The following CHRNB2 variants were observed in gnomAD, a reference collection of about 807,000 sequenced individuals.
The protein encoded by CHRNB2 is cholinergic receptor nicotinic beta 2 subunit.
A neutral mutation model predicts 42.7 loss-of-function variants in CHRNB2; 33 were observed. The observed-to-expected ratio is 0.77, with a 90% CI of 0.59 to 1.03. CHRNB2 has a LOEUF of 1.03. Ranked by LOEUF, CHRNB2 falls within the 50% of genes least tolerant of loss-of-function variation. The pLI is 0.00. For missense variants in CHRNB2, 603 were observed against 700.9 expected (o/e 0.86, Z 1.58); for synonymous variants, 325 against 292.9 (o/e 1.11, Z -1.12).
At position 154,579,066 on chromosome 1, in the gene CHRNB2, C is replaced by G. The variant is rs1450436986; in HGVS notation, c.*3134C>G. 1 of 152,136 alleles carries G rather than the reference C, an allele frequency of 6.6e-6. No homozygotes were observed. The highest frequency in any genetic ancestry group is 1.9e-4 in the East Asian group (1 of 5,186). 9.4% of individuals were successfully genotyped at this position (152,136 alleles called of 1,614,324 possible). On this transcript the variant is annotated 3_prime_UTR_variant, in exon 6 of 6. Coordinates refer to ENST00000368476, the MANE Select transcript of CHRNB2 (RefSeq NM_000748.3). ...ATAGAAATACTAGAACAGCTGGTAC[C>G]AAGTTATTGAAAATTTAAAAGCAAA...
intron 1 of CHRNB2, among the ~76,000 whole-genome samples, chr1:154,569,146 A>G (rs1025985428): frequency 1.3e-5 from 2 of 151,998 alleles, no homozygotes; most frequent in African/African-American, 4.8e-5. Flanking sequence ...AAGCCATGGA[A>G]GCAGAAATCT....
In CHRNB2 at chr1:154,576,179, TGAG is replaced by T. The variant is rs1405038842; in HGVS notation, c.*252_*254del. The T allele has an allele frequency of 1.8e-5, 10 of 558,242 alleles. No individual in the cohort carries two copies. In the East Asian group the frequency reaches 2.2e-4, roughly 12 times the overall value. The allele number at this position is 558,242 out of a possible 1,614,324, so 34.6% of individuals were successfully genotyped here. A position where few individuals can be genotyped will look rare whatever the true frequency, so the allele number is the denominator to read the frequency against. On this transcript the variant is annotated 3_prime_UTR_variant, in exon 6 of 6. Coordinates refer to ENST00000368476, the MANE Select transcript of CHRNB2 (RefSeq NM_000748.3). The stretch of plus-strand genomic sequence containing the variant: ...CTTGTACCAGCCCAGGCAATAGTGT[TGAG>T]GAGGGGAGCAAGGCTGCTAAGTGGA...
chr1:154,576,035 C>T lies in CHRNB2; in HGVS notation c.*103C>T, dbSNP rs1176666258. 2.8e-6 allele frequency: 4 copies of T among 1,427,220 alleles called. No individual in the cohort carries two copies. Among genetic ancestry groups the T allele is most frequent in the East Asian group, 4.5e-5 (2 of 43,958 alleles). 88.4% of individuals were successfully genotyped at this position (1,427,220 alleles called of 1,614,324 possible). ...GAGCTACCAGGAAGAGGGGCGCTGC[C>T]CCCACAGATCCATCCTTTTGCTTCA... On this transcript the variant is annotated 3_prime_UTR_variant, in exon 6 of 6. Transcript: ENST00000368476.
At position 154,578,030 on chromosome 1, in the gene CHRNB2, G is replaced by C. The variant is rs1180439774; in HGVS notation, c.*2098G>C. ...ATGGGCTCACGGACACCTTTTCTTGGTAGCAGGGAGTGTCTCTGCACTATG... is the reference window on the plus strand; with the variant it reads ...ATGGGCTCACGGACACCTTTTCTTGCTAGCAGGGAGTGTCTCTGCACTATG... On this transcript the variant is annotated 3_prime_UTR_variant, in exon 6 of 6. Coordinates refer to ENST00000368476, the MANE Select transcript of CHRNB2 (RefSeq NM_000748.3). 1 of 152,270 alleles carries C rather than the reference G, an allele frequency of 6.6e-6. No individual in the cohort carries two copies. Among genetic ancestry groups the C allele is most frequent in the Non-Finnish European group, 1.5e-5 (1 of 68,070 alleles). The allele number at this position is 152,270 out of a possible 1,614,324, so 9.4% of individuals were successfully genotyped here.
chr1:154,571,399 C>T lies in CHRNB2; in HGVS notation c.576C>T (p.Ala192=). 6.2e-7 allele frequency: 1 copy of T among 1,614,212 alleles called. No homozygotes were observed. The highest frequency in any genetic ancestry group is 8.5e-7 in the Non-Finnish European group (1 of 1,180,034). ...EIDLVLKSEV[A]SLDDFTPSGE... ...ACTTGGTGCTGAAGAGTGAGGTGGC[C>T]AGCCTGGACGACTTCACACCTAGTG... Residue 192 remains alanine (A), a synonymous_variant, in exon 5 of 6, where the codon GCC becomes GCT. Coordinates refer to ENST00000368476, the MANE Select transcript of CHRNB2 (RefSeq NM_000748.3). This position sits in a 1 kb window ranked among gnomAD's most constrained non-coding sequence, Gnocchi z 6.8.
intron 4 of CHRNB2, among the ~76,000 whole-genome samples, chr1:154,570,943 CCTGCA>C (rs945794507): frequency 3.5e-4 from 53 of 151,794 alleles, no homozygotes; most frequent in Admixed American, 2.0e-4. Context: ...CCCCCTTCTA[CCTGCA>C]AGGTGTCACA....
intron 5 of CHRNB2, among the ~76,000 whole-genome samples, chr1:154,575,187 A>T (rs1696247486): frequency 6.6e-6 from 1 of 152,246 alleles, no homozygotes; most frequent in Non-Finnish European, 1.5e-5. Context: ...TGAGATGACA[A>T]AGATGAATCA....
At chr1:154,575,100 G>C (rs1222605574) in intron 5 of CHRNB2, among the ~76,000 whole-genome samples, 1 of 152,232 alleles carries the variant, frequency 6.6e-6, no homozygotes, top group Non-Finnish European at 1.5e-5. Context: ...ATCATAAAAG[G>C]AGCCAGGCCG....
chr1:154,572,179 G>T lies in CHRNB2; in HGVS notation c.1338+18G>T. ...ACCAGAGCGTGAGTGCCGCAGGCTG[G>T]GACCCCGGGCGTGAGATATGGGGTC... On this transcript the variant is annotated intron_variant, in intron 5 of 5. Transcript: ENST00000368476. 6.5e-7 allele frequency: 1 copy of T among 1,535,904 alleles called. No individual in the cohort carries two copies.
chr1:154,574,540 T>C (rs1179260466), intron 5 of CHRNB2, among the ~76,000 whole-genome samples: 1 of 151,722 alleles, frequency 6.6e-6, no homozygotes, highest in Non-Finnish European at 1.5e-5. Context: ...TGTCTGATTG[T>C]TTCTTTAACT....
chr1:154,571,109 T>C lies in CHRNB2; in HGVS notation c.366-80T>C. The C allele has an allele frequency of 2.5e-6, 4 of 1,610,986 alleles. No individual in the cohort carries two copies. Among genetic ancestry groups the C allele is most frequent in the Non-Finnish European group, 3.4e-6 (4 of 1,179,916 alleles). ...CCCATGTCTCCCTCTGGTTTTGCTC[T>C]CCTCCCATTAGGGGCTGGGTTGATG... is the stretch of plus-strand genomic sequence containing the variant. On this transcript the variant is annotated intron_variant, in intron 4 of 5. Transcript: ENST00000368476. The surrounding 1 kb of genome is among the most constrained non-coding windows in gnomAD (Gnocchi z 6.8).
At position 154,578,158 on chromosome 1, in the gene CHRNB2, C is replaced by CA. The variant is rs1696317471; in HGVS notation, c.*2228dup. 1 of 152,370 alleles carries CA rather than the reference C, an allele frequency of 6.6e-6. No individual in the cohort carries two copies. The highest frequency in any genetic ancestry group is 2.1e-4 in the South Asian group (1 of 4,834). 9.4% of individuals were successfully genotyped at this position (152,370 alleles called of 1,614,324 possible). A position where few individuals can be genotyped will look rare whatever the true frequency, so the allele number is the denominator to read the frequency against. ...GAAGGCGTCTTGGAACCAGAAACAG[C>CA]AACAGGAAAGGAGCCTCCCTCTGAA... On this transcript the variant is annotated 3_prime_UTR_variant, in exon 6 of 6. Coordinates refer to ENST00000368476, the MANE Select transcript of CHRNB2 (RefSeq NM_000748.3).
In CHRNB2 at chr1:154,575,795, A is replaced by G. The variant is rs751272610; in HGVS notation, c.1372A>G (p.Ile458Val). Residue 458 changes from isoleucine to valine, a missense_variant, in exon 6 of 6, where the codon ATC becomes GTC. By Grantham distance (29) the Ile-to-Val change is conservative (BLOSUM62 3). This residue lies in a region of CHRNB2 where 270 missense variants were observed against 248.3 expected (regional missense o/e 1.09). Coordinates refer to ENST00000368476, the MANE Select transcript of CHRNB2 (RefSeq NM_000748.3). Reference sequence around the variant, plus strand: ...GGACTGGAAGTACGTCGCCATGGTGATCGACCGCCTCTTCCTCTGGATCTT... The same window carrying G: ...GGACTGGAAGTACGTCGCCATGGTGGTCGACCGCCTCTTCCTCTGGATCTT... ...SEDWKYVAMV[I>V]DRLFLWIFVF... 2 of 1,614,080 alleles carry G rather than the reference A, an allele frequency of 1.2e-6. No homozygotes were observed. Among genetic ancestry groups the G allele is most frequent in the Admixed American group, 3.3e-5 (2 of 60,016 alleles).
At position 154,571,839 on chromosome 1, in the gene CHRNB2, T is replaced by G; in HGVS notation, c.1016T>G (p.Phe339Cys). 2 of 1,612,788 alleles carry G rather than the reference T, an allele frequency of 1.2e-6. No individual in the cohort carries two copies. Among genetic ancestry groups the G allele is most frequent in the Non-Finnish European group, 1.7e-6 (2 of 1,179,878 alleles). The change falls in exon 5 of 6, where the codon TTC becomes TGC. Residue 339 changes from phenylalanine (F) to cysteine (C), a missense_variant. By Grantham distance (205) the Phe-to-Cys change is radical (BLOSUM62 -2). Coordinates refer to ENST00000368476, the MANE Select transcript of CHRNB2 (RefSeq NM_000748.3). The surrounding 1 kb of genome is among the most constrained non-coding windows in gnomAD (Gnocchi z 6.8). ...HTMAPWVKVV[F>C]LEKLPALLFM... ...ATGGCGCCCTGGGTGAAGGTCGTCT[T>G]CCTGGAGAAGCTGCCCGCGCTGCTC... is the stretch of plus-strand genomic sequence containing the variant.
rs2101522454 is a variant in CHRNB2, at chr1:154,572,017, G to C, written c.1194G>C (p.Gly398=). Residue 398 remains glycine (G), a synonymous_variant, in exon 5 of 6, where the codon GGG becomes GGC. Coordinates refer to ENST00000368476, the MANE Select transcript of CHRNB2 (RefSeq NM_000748.3). ...TCFVNRASVQ[G]LAGAFGAEPA... ...TCGTCAACCGCGCGTCGGTGCAGGG[G>C]TTGGCCGGGGCCTTCGGGGCTGAGC... 6 of 1,533,962 alleles carry C rather than the reference G, an allele frequency of 3.9e-6. No homozygotes were observed. Among genetic ancestry groups the C allele is most frequent in the Non-Finnish European group, 5.2e-6 (6 of 1,144,970 alleles).
At chr1:154,570,035 C>T (rs1696133648) in intron 3 of CHRNB2, among the ~76,000 whole-genome samples, 199 bp downstream of exon 3, 1 of 152,190 alleles carries the variant, frequency 6.6e-6, no homozygotes, top group African/African-American at 2.4e-5. Context: ...TTCATTTTCT[C>T]ATTTGTAAAT....
At chr1:154,570,196 T>C in intron 3 of CHRNB2, 62 bp from the exon 4 acceptor site, 3 of 1,150,496 alleles carry the variant, frequency 2.6e-6, no homozygotes, top group Non-Finnish European at 3.9e-6. Flanking sequence ...CTAGTTCGTT[T>C]CCTTAACCTT....
chr1:154,570,370 A>T lies in CHRNB2; in HGVS notation c.365+3A>T. 1 of 1,578,372 alleles carries T rather than the reference A, an allele frequency of 6.3e-7. No homozygotes were observed. The highest frequency in any genetic ancestry group is 8.7e-7 in the Non-Finnish European group (1 of 1,149,534). ...CCAGATGTGGTCCTGTACAACAAGT[A>T]GGTGCAATGGGAAGGTTGGGGGAGA... On this transcript the variant is annotated splice_donor_region_variant and intron_variant, in intron 4 of 5. Coordinates refer to ENST00000368476, the MANE Select transcript of CHRNB2 (RefSeq NM_000748.3).
In CHRNB2 at chr1:154,572,164, G is replaced by T. The variant is rs886348487; in HGVS notation, c.1338+3G>T. On this transcript the variant is annotated splice_donor_region_variant and intron_variant, in intron 5 of 5. Coordinates refer to ENST00000368476, the MANE Select transcript of CHRNB2 (RefSeq NM_000748.3). ...GGAGCGAGGACGATGACCAGAGCGT[G>T]AGTGCCGCAGGCTGGGACCCCGGGC... 5.2e-6 allele frequency: 8 copies of T among 1,536,830 alleles called. No homozygotes were observed. The Admixed American group carries it at 1.6e-4, about 30-fold the overall frequency.
Sources: gnomAD v4.1 joint callset for allele counts (sites outside exome capture counted in the v4.1 genomes callset) on GRCh38, gnomAD v4.1.1 for gene constraint, gnomAD v4.1.1 regional missense constraint, Gnocchi (gnomAD v3.1) non-coding constraint, MANE v1.5 for transcripts, NCBI Gene and HGNC (gene_info 2026-07-23, HGNC 2026-07-21) for gene names.